The following HIP1 variants were observed in gnomAD, a reference collection of about 807,000 sequenced individuals.
The protein encoded by HIP1 is huntingtin-interacting protein 1.
Under a neutral mutation model 147.6 loss-of-function variants are expected in HIP1, and 65 were observed. The ratio of observed to expected loss-of-function variants is 0.44; its 90% CI spans 0.36 to 0.54. HIP1 has a LOEUF of 0.54. HIP1 is among the 20% of genes least tolerant of loss of function. The pLI is 0.00. For synonymous variants in HIP1, 479 were observed against 504.0 expected, an observed-to-expected ratio of 0.95 and a Z score of 0.67; for missense variants, 1,061 against 1,299.6, an observed-to-expected ratio of 0.82 and a Z score of 2.82.
At chr7:75,555,329 G>T in intron 19 of HIP1, 87 bp downstream of exon 19, 1 of 1,517,840 alleles carries the variant, frequency 6.6e-7, no homozygotes, top group South Asian at 1.2e-5. Context: ...GAGAGCCCCT[G>T]AGCTAAGTCT....
chr7:75,608,178 G>C (rs1480961227), intron 1 of HIP1, among the ~76,000 whole-genome samples: 1 of 152,054 alleles, frequency 6.6e-6, no homozygotes, highest in Non-Finnish European at 1.5e-5. Flanking sequence ...CGTGGTGGTG[G>C]GCACCTGTAA....
intron 1 of HIP1, among the ~76,000 whole-genome samples, chr7:75,732,152 T>C (rs1801856232): frequency 6.6e-6 from 1 of 152,096 alleles, no homozygotes; most frequent in Non-Finnish European, 1.5e-5. Context: ...TGTGTGACCT[T>C]GGACAAGTCA....
In HIP1 at chr7:75,664,037, T is replaced by TACACATATATGTGTATATACAC. The variant is rs1799433496; in HGVS notation, c.121-64812_121-64791dup. Among the ~76,000 whole-genome samples the TACACATATATGTGTATATACAC allele has an allele frequency of 3.8e-5, 3 of 78,740 alleles. 1 individual carries two copies. The allele number at this position is 78,740 out of a possible 152,430, so 51.7% of individuals were successfully genotyped here. A position where few individuals can be genotyped will look rare whatever the true frequency, so the allele number is the denominator to read the frequency against. On this transcript the variant is annotated intron_variant, in intron 1 of 30. Coordinates refer to ENST00000336926, the MANE Select transcript of HIP1 (RefSeq NM_005338.7). ...ATATACACATATATGTGTATATATA[T>TACACATATATGTGTATATACAC]ACACATATATGTGTATATACACATA...
intron 1 of HIP1, among the ~76,000 whole-genome samples, chr7:75,691,803 C>CA (rs1227292306): frequency 2.0e-5 from 3 of 151,534 alleles, no homozygotes; most frequent in Admixed American, 6.6e-5. Flanking sequence ...AACAAACAAA[C>CA]AAAAAAAACT....
In HIP1 at chr7:75,595,892, C is replaced by T. The variant is rs117649480; in HGVS notation, c.184+3292G>A. 6.6e-3 allele frequency among the ~76,000 whole-genome samples: 1,011 copies of T among 152,312 alleles called. 6 individuals carry two copies. The highest frequency in any genetic ancestry group is 0.011 in the Non-Finnish European group (745 of 68,028). The stretch of plus-strand genomic sequence containing the variant: ...TGTAAGCAGCATTTCTGAAGTCAGA[C>T]TTCCTAATGCTTATTCAGTTTGTAT... On this transcript the variant is annotated intron_variant, in intron 2 of 30. Transcript: ENST00000336926.
At chr7:75,582,193 G>A in intron 5 of HIP1, 42 bp from the exon 6 acceptor site, 1 of 1,514,152 alleles carries the variant, frequency 6.6e-7, no homozygotes. Flanking sequence ...CAGAAGACAT[G>A]AAGAGCCCTC....
rs138232224 is a variant in HIP1 at position 75,555,536 on chromosome 7, G to C, written c.1843C>G (p.Leu615Val). The change falls in exon 19 of 31, where the codon CTT (leucine) becomes GTT (valine). Residue 615 changes from leucine to valine, a missense_variant. Leu to Val is a conservative substitution (Grantham distance 32, BLOSUM62 1). Coordinates refer to ENST00000336926, the MANE Select transcript of HIP1 (RefSeq NM_005338.7). ...LASTEESMCQ[L>V]AKDQRKMLLV... ...AGCATTTTTCGTTGGTCTTTGGCAAGCTGGCACATAGATTCCTAAAAATGG... is the reference window on the plus strand; with the variant it reads ...AGCATTTTTCGTTGGTCTTTGGCAACCTGGCACATAGATTCCTAAAAATGG... 1.9e-6 allele frequency: 3 copies of C among 1,614,220 alleles called. No homozygotes were observed. The highest frequency in any genetic ancestry group is 2.5e-6 in the Non-Finnish European group (3 of 1,180,042).
chr7:75,691,666 T>C (rs1800458187), intron 1 of HIP1, among the ~76,000 whole-genome samples: 1 of 151,776 alleles, frequency 6.6e-6, no homozygotes, highest in African/African-American at 2.4e-5. Flanking sequence ...CGGGCACCTG[T>C]AATCCCAGCT....
intron 1 of HIP1, among the ~76,000 whole-genome samples, chr7:75,614,961 C>A (rs184917420): frequency 9.3e-4 from 142 of 152,014 alleles, no homozygotes; most frequent in Non-Finnish European, 9.9e-4. Flanking sequence ...TTAGTGGAGA[C>A]GGGGTTTCAC....
chr7:75,625,888 T>C (rs993236564), intron 1 of HIP1: 2 of 152,096 alleles, frequency 1.3e-5, no homozygotes, highest in Admixed American at 6.5e-5. Flanking sequence ...CTGGGTAACA[T>C]GGTGAATCCC....
chr7:75,642,215 G>C (rs1798672799), intron 1 of HIP1, among the ~76,000 whole-genome samples: 2 of 152,082 alleles, frequency 1.3e-5, no homozygotes, highest in Non-Finnish European at 2.9e-5. Flanking sequence ...CTGGGTAACA[G>C]AGTGAGACCC....
chr7:75,628,598 C>G (rs1554508360), intron 1 of HIP1, among the ~76,000 whole-genome samples: 1 of 151,926 alleles, frequency 6.6e-6, no homozygotes, highest in African/African-American at 2.4e-5. Context: ...CGTGCCTCAG[C>G]CTTCCAAGTA....
chr7:75,665,263 A>T (rs184062319), intron 1 of HIP1, among the ~76,000 whole-genome samples: 4 of 152,228 alleles, frequency 2.6e-5, no homozygotes, highest in African/African-American at 7.2e-5. Context: ...CCCTATCTCT[A>T]TAAAAAAATA....
At chr7:75,539,561 C>A in intron 29 of HIP1, 130 bp from the exon 30 acceptor site, 1 of 681,272 alleles carries the variant, frequency 1.5e-6, no homozygotes, top group Non-Finnish European at 2.5e-6. Flanking sequence ...CTCAAGAGAT[C>A]CTCCTGTCTT....
At chr7:75,599,044 C>A in intron 2 of HIP1, 140 bp downstream of exon 2, 1 of 650,840 alleles carries the variant, frequency 1.5e-6, no homozygotes, top group Non-Finnish European at 2.8e-6. Context: ...GAGAAGCTGC[C>A]GTCATCAGAA....
chr7:75,670,823 T>C (rs1799710695), intron 1 of HIP1, among the ~76,000 whole-genome samples: 1 of 143,836 alleles, frequency 7.0e-6, no homozygotes, highest in African/African-American at 2.6e-5. Flanking sequence ...GGTCTTGCTA[T>C]GTATCCCAGG....
chr7:75,650,254 C>T (rs543853101), intron 1 of HIP1, among the ~76,000 whole-genome samples: 1 of 152,218 alleles, frequency 6.6e-6, no homozygotes, highest in East Asian at 1.9e-4. Context: ...AGTCAGCAAA[C>T]AGCCTGGAAA....
intron 1 of HIP1, among the ~76,000 whole-genome samples, chr7:75,614,700 T>C: frequency 6.6e-6 from 1 of 152,168 alleles, no homozygotes; most frequent in East Asian, 1.9e-4. Flanking sequence ...CACTTGAATT[T>C]GTTACAATAG....
At chr7:75,722,727 TAGAC>T (rs1482186937) in intron 1 of HIP1, among the ~76,000 whole-genome samples, 1 of 152,182 alleles carries the variant, frequency 6.6e-6, no homozygotes, top group Non-Finnish European at 1.5e-5. Context: ...CTTTTTCTAA[TAGAC>T]AGCATAGCAC....
Sources: gnomAD v4.1 joint callset for allele counts (sites outside exome capture counted in the v4.1 genomes callset) on GRCh38, gnomAD v4.1.1 for gene constraint, MANE v1.5 for transcripts, NCBI Gene and HGNC (gene_info 2026-07-23, HGNC 2026-07-21) for gene names.